TDRD10: variants seen among roughly 807,000 people sequenced by gnomAD.
The protein encoded by TDRD10 is tudor domain-containing protein 10.
In TDRD10, 40 loss-of-function variants were observed where a neutral mutation model predicts 48.0. The observed-to-expected ratio is 0.83, with a 90% CI of 0.65 to 1.09. The LOEUF (loss-of-function observed/expected upper bound fraction) is 1.09, where lower values mean the gene tolerates loss of function less well. TDRD10 is among the 50% of genes least tolerant of loss of function. The probability of loss-of-function intolerance (pLI) is 0.00; values close to 1 mark genes in which losing one functional copy is unlikely to be tolerated. For synonymous variants in TDRD10, 162 were observed against 170.4 expected (o/e 0.95, Z 0.38); for missense variants, 378 against 434.7 (o/e 0.87, Z 1.16).
chr1:154,514,065 C>G (rs1027406997), intron 4 of TDRD10, among the ~76,000 whole-genome samples: 7 of 152,158 alleles, frequency 4.6e-5, no homozygotes, highest in Non-Finnish European at 1.0e-4. Context: ...TGGCGGGTGC[C>G]TGTAATCCCA....
chr1:154,547,998 G>A lies in TDRD10; in HGVS notation c.*288G>A. 1.9e-6 allele frequency: 1 copy of A among 519,854 alleles called. No homozygotes were observed. Among genetic ancestry groups the A allele is most frequent in the Non-Finnish European group, 3.4e-6 (1 of 292,762 alleles). The allele number at this position is 519,854 out of a possible 1,614,324, so 32.2% of individuals were successfully genotyped here. ...AGGCAGCTGGGATGGTCTTTCTTGT[G>A]TCTCTTCTTTGCACCCCAGAGCATG... On this transcript the variant is annotated 3_prime_UTR_variant, in exon 13 of 13. Coordinates refer to ENST00000368482, the MANE Select transcript of TDRD10 (RefSeq NM_182499.4).
intron 6 of TDRD10, among the ~76,000 whole-genome samples, chr1:154,527,955 G>A (rs1694398107): frequency 6.6e-6 from 1 of 152,122 alleles, no homozygotes; most frequent in South Asian, 2.1e-4. Flanking sequence ...TCTCCCCAGT[G>A]GTAACATCTT....
At chr1:154,545,031 G>A in intron 11 of TDRD10, 82 bp downstream of exon 11, 1 of 1,538,706 alleles carries the variant, frequency 6.5e-7, no homozygotes, top group Non-Finnish European at 8.8e-7. Context: ...ACAGGAAGCA[G>A]CATAGTGGGC....
At chr1:154,516,527 G>A (rs1356907028) in intron 4 of TDRD10, among the ~76,000 whole-genome samples, 1 of 152,162 alleles carries the variant, frequency 6.6e-6, no homozygotes, top group Non-Finnish European at 1.5e-5. Context: ...AGTGTGTGCG[G>A]TAGTTTTTTC....
At chr1:154,509,102 T>TTTA in intron 4 of TDRD10, among the ~76,000 whole-genome samples, 1 of 151,128 alleles carries the variant, frequency 6.6e-6, no homozygotes, top group Non-Finnish European at 1.5e-5. Context: ...TGACTTTTTT[T>TTTA]TTTTTTTTTT....
intron 6 of TDRD10, among the ~76,000 whole-genome samples, chr1:154,528,298 A>G (rs1694418335): frequency 6.6e-6 from 1 of 151,484 alleles, no homozygotes; most frequent in African/African-American, 2.4e-5. Flanking sequence ...ATCTTCATTC[A>G]CTGGACAACC....
intron 6 of TDRD10, among the ~76,000 whole-genome samples, chr1:154,525,048 G>A (rs555862971): frequency 1.3e-5 from 2 of 152,332 alleles, no homozygotes; most frequent in South Asian, 2.1e-4. Flanking sequence ...TGTGGTTTGG[G>A]AAAATGCCCC....
chr1:154,514,627 G>A (rs1378678176), intron 4 of TDRD10, among the ~76,000 whole-genome samples: 18 of 152,114 alleles, frequency 1.2e-4, no homozygotes, highest in Admixed American at 1.2e-3. Flanking sequence ...TCGCACCCCG[G>A]CCAACCCACT....
At chr1:154,509,861 G>A (rs1213285673) in intron 4 of TDRD10, 2 of 985,206 alleles carry the variant, frequency 2.0e-6, no homozygotes, top group Non-Finnish European at 2.4e-6. Flanking sequence ...TCCTGCAGTG[G>A]TCTGGGGAGG....
At chr1:154,506,837 A>G in intron 1 of TDRD10, 40 bp from the exon 2 acceptor site, 1 of 1,569,322 alleles carries the variant, frequency 6.4e-7, no homozygotes, top group Non-Finnish European at 8.8e-7. Flanking sequence ...ATGGTGAACT[A>G]TCCTGGCATT....
At chr1:154,524,670 C>T (rs6687112) in intron 6 of TDRD10, among the ~76,000 whole-genome samples, 119,396 of 152,002 alleles carry the variant, frequency 0.79, 47,617 homozygotes, top group East Asian at 0.92. Context: ...TTGGGTAACA[C>T]CATTTTTCCT....
chr1:154,533,894 T>TATATATATATATATA (rs199523039), intron 6 of TDRD10, among the ~76,000 whole-genome samples: 10 of 110,488 alleles, frequency 9.1e-5, no homozygotes, highest in Non-Finnish European at 1.4e-4. Flanking sequence ...TATATATATA[T>TATATATATATATATA]TTTTTTTTAA....
chr1:154,507,526 C>G (rs1693212740), intron 3 of TDRD10, among the ~76,000 whole-genome samples: 1 of 152,160 alleles, frequency 6.6e-6, no homozygotes, highest in Admixed American at 6.5e-5. Context: ...CCCTTACTCC[C>G]TGGTGCACCC....
intron 8 of TDRD10, among the ~76,000 whole-genome samples, chr1:154,543,706 C>A (rs995589691): frequency 6.6e-6 from 1 of 152,122 alleles, no homozygotes; most frequent in Non-Finnish European, 1.5e-5. Flanking sequence ...GTTTTTGTTT[C>A]CCTCTGCTGC....
chr1:154,542,170 T>C lies in TDRD10; in HGVS notation c.412+104T>C, dbSNP rs924243665. 8 of 1,113,312 alleles carry C rather than the reference T, an allele frequency of 7.2e-6. No homozygotes were observed. The African/African-American group carries it at 9.4e-5, about 13-fold the overall frequency. The allele number at this position is 1,113,312 out of a possible 1,614,324, so 69.0% of individuals were successfully genotyped here. A position where few individuals can be genotyped will look rare whatever the true frequency, so the allele number is the denominator to read the frequency against. ...CCTCCCTTCCAGCTCAGTCCCCTGA[T>C]GACCCTTAGTGTAGAAATATCCCTT... is the stretch of plus-strand genomic sequence containing the variant. On this transcript the variant is annotated intron_variant, in intron 7 of 12. Transcript: ENST00000368482.
In TDRD10 at chr1:154,542,920, A is replaced by G. The variant is rs941615326; in HGVS notation, c.503+99A>G. 1.1e-5 allele frequency: 10 copies of G among 942,902 alleles called. No individual in the cohort carries two copies. The Admixed American group carries it at 1.2e-4, about 12-fold the overall frequency. The allele number at this position is 942,902 out of a possible 1,614,324, so 58.4% of individuals were successfully genotyped here. A position where few individuals can be genotyped will look rare whatever the true frequency, so the allele number is the denominator to read the frequency against. ...CAAGGATAGTACTGGGGTGGGGGATAGTTTTCGGGAACTCCTGTGTCAGAC... is the reference window on the plus strand; with the variant it reads ...CAAGGATAGTACTGGGGTGGGGGATGGTTTTCGGGAACTCCTGTGTCAGAC... On this transcript the variant is annotated intron_variant, in intron 8 of 12. Transcript: ENST00000368482.
chr1:154,510,234 A>C (rs1025001687), intron 4 of TDRD10, among the ~76,000 whole-genome samples: 2 of 91,380 alleles, frequency 2.2e-5, no homozygotes, highest in African/African-American at 6.9e-5. Flanking sequence ...GCGAGACCAC[A>C]TCTCTTAAAA....
intron 1 of TDRD10, among the ~76,000 whole-genome samples, chr1:154,505,789 C>T (rs954988557): frequency 5.5e-5 from 8 of 144,872 alleles, no homozygotes; most frequent in Non-Finnish European, 7.7e-5. Context: ...ATAATACTCA[C>T]GGAATTGTAG....
chr1:154,518,677 C>T (rs553471133), intron 4 of TDRD10, among the ~76,000 whole-genome samples: 63 of 152,310 alleles, frequency 4.1e-4, no homozygotes, highest in African/African-American at 1.5e-3. Flanking sequence ...GATCTGCCTG[C>T]CTCAGCCTCC....
Sources: allele counts gnomAD v4.1 joint callset (sites outside exome capture counted in the v4.1 genomes callset), GRCh38; gene constraint gnomAD v4.1.1; transcripts MANE v1.5; gene names NCBI Gene and HGNC (gene_info 2026-07-23, HGNC 2026-07-21).